BCAR1: variants seen among roughly 807,000 people sequenced by gnomAD.
BCAR1 encodes breast cancer anti-estrogen resistance protein 1.
BCAR1 carries 30 observed loss-of-function variants against 67.6 expected under a neutral mutation model. The ratio of observed to expected loss-of-function variants is 0.44; its 90% CI spans 0.33 to 0.60. The LOEUF is 0.60. Among genes scored for constraint, BCAR1 ranks in the 20% least tolerant of loss-of-function variants. The pLI is 0.02. For synonymous variants in BCAR1, 626 were observed against 556.7 expected (o/e 1.12, Z -1.75); for missense variants, 1,313 against 1,222.3 (o/e 1.07, Z -1.11).
chr16:75,258,281 G>C (rs966696796), intron 1 of BCAR1, among the ~76,000 whole-genome samples: 2 of 152,202 alleles, frequency 1.3e-5, no homozygotes, highest in East Asian at 3.8e-4. Context: ...CCTTGTCTGA[G>C]AGACTGGGGC....
In BCAR1 at chr16:75,229,867, C is replaced by T. The variant is rs750624866; in HGVS notation, c.2257G>A (p.Ala753Thr). The change falls in exon 7 of 7, where the codon GCC becomes ACC. Residue 753 changes from alanine to threonine, a missense_variant. Ala to Thr is a moderately conservative substitution (Grantham distance 58, BLOSUM62 0). This residue lies in a region of BCAR1 where 1,272 missense variants were observed against 1,137.5 expected (regional missense o/e 1.12). Coordinates refer to ENST00000162330, the MANE Select transcript of BCAR1 (RefSeq NM_014567.5). Reference sequence around the variant, plus strand: ...GCGTTGGTCAGTGTGGTCAGGTTGGCCTCACACTGCTCCAGGTAGAAGAGC... The same window carrying T: ...GCGTTGGTCAGTGTGGTCAGGTTGGTCTCACACTGCTCCAGGTAGAAGAGC... ...LLLFYLEQCE[A>T]NLTTLTNAVD... is the part of the protein sequence containing the mutation. 9 of 1,613,126 alleles carry T rather than the reference C, an allele frequency of 5.6e-6. No homozygotes were observed. The highest frequency in any genetic ancestry group is 3.3e-5 in the Admixed American group (2 of 60,004).
chr16:75,256,514 T>TGG (rs71380714), upstream of BCAR1, among the ~76,000 whole-genome samples: 5 of 132,290 alleles, frequency 3.8e-5, no homozygotes, highest in Admixed American at 7.5e-5. Flanking sequence ...ACAGCACGGA[T>TGG]GGGGGGGGGT....
At chr16:75,266,109 G>A in intron 1 of BCAR1, 4 of 922,464 alleles carry the variant, frequency 4.3e-6, no homozygotes, top group Non-Finnish European at 5.2e-6. Context: ...ACGCGGCGGG[G>A]AGGCGCGGTC....
chr16:75,234,024 G>A (rs746555535), intron 5 of BCAR1, 89 bp from the exon 6 acceptor site: 381 of 1,309,824 alleles, frequency 2.9e-4, no homozygotes, highest in Non-Finnish European at 3.7e-4. Context: ...TGAGCTGAGT[G>A]GCCACCAGGT....
chr16:75,266,962 G>T (rs938485704), intron 1 of BCAR1, among the ~76,000 whole-genome samples: 3 of 152,216 alleles, frequency 2.0e-5, no homozygotes, highest in Admixed American at 6.5e-5. Flanking sequence ...CATGTGGGGG[G>T]CGGGCCCTTC....
chr16:75,236,458 C>G lies in BCAR1; in HGVS notation c.912+424G>C, dbSNP rs975336441. On this transcript the variant is annotated intron_variant, in intron 4 of 6. Transcript: ENST00000162330. ...CTGTTACCACCCAGCACCACCACCACGTGTGAACTTTCTACTCTGCAGCAG... is the reference window on the plus strand; with the variant it reads ...CTGTTACCACCCAGCACCACCACCAGGTGTGAACTTTCTACTCTGCAGCAG... The G allele has an allele frequency of 1.2e-5, 4 of 328,756 alleles. No homozygotes were observed. The East Asian group carries it at 2.6e-4, about 21-fold the overall frequency. The allele number at this position is 328,756 out of a possible 1,614,324, so 20.4% of individuals were successfully genotyped here. A position where few individuals can be genotyped will look rare whatever the true frequency, so the allele number is the denominator to read the frequency against.
At chr16:75,265,912 G>C in intron 1 of BCAR1, 1 of 1,110,726 alleles carries the variant, frequency 9.0e-7, no homozygotes, top group Non-Finnish European at 1.1e-6. Flanking sequence ...GCGCCGCTCA[G>C]AGGCCCCGCG....
intron 1 of BCAR1, among the ~76,000 whole-genome samples, chr16:75,258,714 AAGCCAACTCCTTCGGCGTGAAG>A (rs1229805190): frequency 6.6e-6 from 1 of 152,266 alleles, no homozygotes; most frequent in Non-Finnish European, 1.5e-5. Flanking sequence ...TAGCACAGGC[AAGCCAACTCCTTCGGCGTGAAG>A]AGCCAGTGTG....
Position 75,229,356 on chromosome 16 carries a change from T to G in BCAR1, c.*155A>C. 1.6e-6 allele frequency: 2 copies of G among 1,219,734 alleles called. No individual in the cohort carries two copies. The highest frequency in any genetic ancestry group is 2.2e-6 in the Non-Finnish European group (2 of 912,966). 75.6% of individuals were successfully genotyped at this position (1,219,734 alleles called of 1,614,324 possible). A position where few individuals can be genotyped will look rare whatever the true frequency, so the allele number is the denominator to read the frequency against. The stretch of plus-strand genomic sequence containing the variant: ...CATGGCCCCACACCCTGCCCGGCCA[T>G]AAATATATACAGATTCCTGGGCATC... On this transcript the variant is annotated 3_prime_UTR_variant, in exon 7 of 7. Coordinates refer to ENST00000162330, the MANE Select transcript of BCAR1 (RefSeq NM_014567.5).
intron 1 of BCAR1, chr16:75,267,852 AG>A: frequency 6.5e-7 from 1 of 1,527,874 alleles, no homozygotes. Context: ...CTGCTTATTT[AG>A]GGCATCAGTA....
At chr16:75,252,400 T>TG, upstream of BCAR1, 1 of 1,473,766 alleles carries the variant, frequency 6.8e-7, no homozygotes, top group Non-Finnish European at 9.0e-7. Context: ...AGAGCGGCAC[T>TG]GGGGGAATGA....
chr16:75,238,365 C>T, intron 2 of BCAR1: 2 of 1,100,638 alleles, frequency 1.8e-6, no homozygotes, highest in South Asian at 4.3e-5. Flanking sequence ...TTTGTTCCTT[C>T]ATCAAAGGGG....
At chr16:75,234,014 T>C in intron 5 of BCAR1, 79 bp from the exon 6 acceptor site, 1 of 1,404,162 alleles carries the variant, frequency 7.1e-7, no homozygotes, top group South Asian at 1.2e-5. Context: ...GCGGGCGCAG[T>C]GAGCTGAGTG....
chr16:75,259,768 C>T (rs1237689244), intron 1 of BCAR1, among the ~76,000 whole-genome samples: 2 of 144,958 alleles, frequency 1.4e-5, no homozygotes, highest in Non-Finnish European at 3.0e-5. Context: ...AGGAGAATCG[C>T]TTGAACCTAG....
intron 1 of BCAR1, among the ~76,000 whole-genome samples, chr16:75,256,632 CA>C (rs1463423810): frequency 1.3e-5 from 2 of 152,162 alleles, no homozygotes; most frequent in Non-Finnish European, 2.9e-5. Context: ...CACAACTTTC[CA>C]AATTATCTGG....
chr16:75,253,022 G>A (rs1447522402), upstream of BCAR1, among the ~76,000 whole-genome samples: 1 of 152,236 alleles, frequency 6.6e-6, no homozygotes, highest in Non-Finnish European at 1.5e-5. Flanking sequence ...CACAGCGGGT[G>A]AGGAAGGAGC....
chr16:75,242,433 C>T, intron 2 of BCAR1, 37 bp downstream of exon 2: 1 of 1,408,814 alleles, frequency 7.1e-7, no homozygotes, highest in South Asian at 2.0e-5. Flanking sequence ...CTGGGCTATA[C>T]CTGTGTGGCT....
intron 1 of BCAR1, chr16:75,264,305 G>A (rs1448988867): frequency 7.0e-7 from 1 of 1,433,938 alleles, no homozygotes; most frequent in Non-Finnish European, 9.2e-7. Context: ...CCCAGGCTGG[G>A]ATGTGGCCAG....
At chr16:75,265,731 G>T in intron 1 of BCAR1, 1 of 1,184,732 alleles carries the variant, frequency 8.4e-7, no homozygotes, top group South Asian at 4.2e-5. Flanking sequence ...CCCAGTCCGG[G>T]AGCCAACGCG....
Sources: allele counts gnomAD v4.1 joint callset (sites outside exome capture counted in the v4.1 genomes callset), GRCh38; gene constraint gnomAD v4.1.1; regional missense constraint gnomAD v4.1.1; transcripts MANE v1.5; gene names NCBI Gene and HGNC (gene_info 2026-07-23, HGNC 2026-07-21).